The following ASPRV1 variants were observed in gnomAD, a reference collection of about 807,000 sequenced individuals.
ASPRV1 encodes retroviral-like aspartic protease 1.
ASPRV1 carries 7 observed loss-of-function variants against 11.0 expected under a neutral mutation model. That is an observed-to-expected ratio of 0.64 (90% confidence interval 0.36 to 1.20). The LOEUF (loss-of-function observed/expected upper bound fraction) is 1.20, where lower values mean the gene tolerates loss of function less well. Among genes scored for constraint, ASPRV1 ranks in the 50% most tolerant of loss-of-function variants. ASPRV1 has a pLI of 0.02. For missense variants in ASPRV1, 299 were observed against 320.0 expected (o/e 0.93, Z 0.50); for synonymous variants, 136 against 138.4 (o/e 0.98, Z 0.12).
the ASPRV1 span, among the ~76,000 whole-genome samples, chr2:69,997,416 C>T: frequency 6.6e-6 from 1 of 152,152 alleles, no homozygotes; most frequent in Non-Finnish European, 1.5e-5. Context: ...TGTGCCCTGC[C>T]CCCACCACTT....
the ASPRV1 span, among the ~76,000 whole-genome samples, chr2:70,061,372 G>A: frequency 6.7e-6 from 1 of 148,420 alleles, no homozygotes; most frequent in East Asian, 2.0e-4. Context: ...TCCAGCCTGG[G>A]TGATAGAGTG....
the ASPRV1 span, among the ~76,000 whole-genome samples, chr2:70,013,173 T>G: frequency 7.2e-5 from 11 of 152,194 alleles, no homozygotes; most frequent in African/African-American, 2.7e-4. Flanking sequence ...GACGAATGCA[T>G]GATGTTACAA....
the ASPRV1 span, among the ~76,000 whole-genome samples, chr2:70,079,540 G>A: frequency 3.9e-5 from 6 of 152,040 alleles, no homozygotes; most frequent in Admixed American, 1.3e-4. Flanking sequence ...TCCAAGGACT[G>A]CTCTGAGTAC....
At chr2:70,085,164 G>A in the ASPRV1 span, among the ~76,000 whole-genome samples, 4 of 152,130 alleles carry the variant, frequency 2.6e-5, no homozygotes, top group Admixed American at 6.6e-5. Context: ...TGGGGTGGGG[G>A]AGGCAAGAGT....
the ASPRV1 span, chr2:69,976,386 C>T: frequency 1.3e-5 from 2 of 152,336 alleles, no homozygotes; most frequent in Admixed American, 1.3e-4. Flanking sequence ...ACCGCAACCT[C>T]GACCCTGAGG....
the ASPRV1 span, among the ~76,000 whole-genome samples, chr2:70,037,986 T>C: frequency 6.6e-6 from 1 of 152,228 alleles, no homozygotes; most frequent in Admixed American, 6.5e-5. Flanking sequence ...TTCTAATCTA[T>C]TGTGAGCTCT....
chr2:69,938,028 T>G, the ASPRV1 span: 170 of 1,479,510 alleles, frequency 1.1e-4, no homozygotes, highest in Non-Finnish European at 1.4e-4. Flanking sequence ...ATTACAAGCA[T>G]GAGCCACCAC....
chr2:70,081,641 T>C, the ASPRV1 span, among the ~76,000 whole-genome samples: 1 of 152,138 alleles, frequency 6.6e-6, no homozygotes, highest in Non-Finnish European at 1.5e-5. Flanking sequence ...TGAAGTGCAG[T>C]GACGCGATCA....
In ASPRV1 at chr2:69,960,594, A is replaced by AC. The variant is rs376718316; in HGVS notation, c.*62_*63insG. 6.4e-3 allele frequency: 9,386 copies of AC among 1,469,940 alleles called. 371 individuals are homozygous for AC. The African/African-American group carries it at 0.12, about 18-fold the overall frequency. The allele number at this position is 1,469,940 out of a possible 1,614,324, so 91.1% of individuals were successfully genotyped here. A position where few individuals can be genotyped will look rare whatever the true frequency, so the allele number is the denominator to read the frequency against. Reference sequence around the variant, plus strand: ...CCCAGTGACCCCCATGAGGATATGCAACCCCCCCCACAGCGGTGGGTCTTC... The same window carrying AC: ...CCCAGTGACCCCCATGAGGATATGCACACCCCCCCCACAGCGGTGGGTCTTC... On this transcript the variant is annotated 3_prime_UTR_variant, in exon 1 of 1. Transcript: ENST00000320256.
chr2:69,955,540 C>T (rs987535139), downstream of ASPRV1, among the ~76,000 whole-genome samples: 5 of 152,168 alleles, frequency 3.3e-5, no homozygotes, highest in East Asian at 5.8e-4. Context: ...GTTAGCAATT[C>T]GGAAACAACT....
chr2:70,085,101 G>A, the ASPRV1 span, among the ~76,000 whole-genome samples: 1 of 152,236 alleles, frequency 6.6e-6, no homozygotes, highest in African/African-American at 2.4e-5. Flanking sequence ...AATCTCTGCA[G>A]AGAAATGGAG....
chr2:70,035,760 G>C, the ASPRV1 span, among the ~76,000 whole-genome samples: 1 of 151,336 alleles, frequency 6.6e-6, no homozygotes. Context: ...AGGGACTCTT[G>C]ATTTTCTACT....
chr2:70,037,733 C>CT, the ASPRV1 span, among the ~76,000 whole-genome samples: 7 of 151,468 alleles, frequency 4.6e-5, no homozygotes, highest in African/African-American at 7.3e-5. Flanking sequence ...TATGCTGTTA[C>CT]TTTTTTTTAG....
chr2:70,005,440 A>G, the ASPRV1 span, among the ~76,000 whole-genome samples: 1 of 152,150 alleles, frequency 6.6e-6, no homozygotes, highest in Non-Finnish European at 1.5e-5. Context: ...CTTGACACGC[A>G]TGCCAAATTG....
the ASPRV1 span, among the ~76,000 whole-genome samples, chr2:70,064,874 G>A: frequency 2.6e-5 from 4 of 151,272 alleles, no homozygotes; most frequent in South Asian, 4.2e-4. Context: ...CAGGCGGAAC[G>A]TTTGAGGTCA....
the ASPRV1 span, among the ~76,000 whole-genome samples, chr2:70,084,935 C>T: frequency 6.6e-6 from 1 of 152,130 alleles, no homozygotes; most frequent in African/African-American, 2.4e-5. Context: ...CTGATAGTAA[C>T]ATAAGTTAAA....
At chr2:70,050,614 T>C in the ASPRV1 span, 1 of 152,124 alleles carries the variant, frequency 6.6e-6, no homozygotes, top group Non-Finnish European at 1.5e-5. Context: ...TATATGATAG[T>C]CGACATGTTA....
At chr2:69,974,325 G>T in the ASPRV1 span, among the ~76,000 whole-genome samples, 53 of 142,080 alleles carry the variant, frequency 3.7e-4, no homozygotes, top group African/African-American at 1.4e-3. Flanking sequence ...CAACAAGAGT[G>T]AAACTCCATC....
the ASPRV1 span, chr2:70,002,899 C>CA: frequency 6.6e-6 from 1 of 152,242 alleles, no homozygotes; most frequent in Non-Finnish European, 1.5e-5. Context: ...TAAGTCCAAG[C>CA]AAATCTACTA....
Sources: gnomAD v4.1 joint callset for allele counts (sites outside exome capture counted in the v4.1 genomes callset) on GRCh38, gnomAD v4.1.1 for gene constraint, MANE v1.5 for transcripts, NCBI Gene and HGNC (gene_info 2026-07-23, HGNC 2026-07-21) for gene names.